SLU7: variants seen among roughly 807,000 people sequenced by gnomAD.
SLU7 encodes spliceosome associated SLU7.
Under a neutral mutation model 87.0 loss-of-function variants are expected in SLU7, and 60 were observed. The ratio of observed to expected loss-of-function variants is 0.69; its 90% CI spans 0.56 to 0.86. SLU7 has a LOEUF of 0.86. SLU7 is among the 40% of genes least tolerant of loss of function. The pLI, the probability that SLU7 is intolerant of heterozygous loss-of-function variation, is 0.00. For synonymous variants in SLU7, 197 were observed against 222.0 expected (o/e 0.89, Z 1.00); for missense variants, 507 against 686.6 (o/e 0.74, Z 2.92).
Position 160,412,538 on chromosome 5 carries a change from G to GAA in SLU7, c.571-21_571-20dup, listed in dbSNP as rs5872643. ...GTTTTGCCTTTAAAAAAAAAAAAAAGAAAGAAAGAAAGAAAAAGTAAACAT... is the reference window on the plus strand; with the variant it reads ...GTTTTGCCTTTAAAAAAAAAAAAAAGAAAAAGAAAGAAAGAAAAAGTAAACAT... On this transcript the variant is annotated intron_variant, in intron 5 of 15. Coordinates refer to ENST00000297151, the MANE Select transcript of SLU7 (RefSeq NM_006425.5). 17 of 960,500 alleles carry GAA rather than the reference G, an allele frequency of 1.8e-5. No individual in the cohort carries two copies. The highest frequency in any genetic ancestry group is 7.3e-6 in the Non-Finnish European group (5 of 680,836). 59.5% of individuals were successfully genotyped at this position (960,500 alleles called of 1,614,324 possible). A position where few individuals can be genotyped will look rare whatever the true frequency, so the allele number is the denominator to read the frequency against.
chr5:160,412,201 G>A (rs1765265136), intron 6 of SLU7, among the ~76,000 whole-genome samples: 1 of 152,096 alleles, frequency 6.6e-6, no homozygotes, highest in Non-Finnish European at 1.5e-5. Context: ...AGGATGGATA[G>A]CTTTAATAAT....
At chr5:160,408,211 G>A (rs1765085232) in intron 8 of SLU7, 118 bp downstream of exon 8, 1 of 1,271,990 alleles carries the variant, frequency 7.9e-7, no homozygotes, top group African/African-American at 1.5e-5. Context: ...AAAACAGAAT[G>A]AAACCTTATC....
intron 1 of SLU7, chr5:160,417,108 T>C (rs924254487): frequency 1.3e-5 from 2 of 152,248 alleles, no homozygotes; most frequent in African/African-American, 4.8e-5. Flanking sequence ...TCCAACAAAC[T>C]TACTTCTTTA....
At chr5:160,415,975 C>T (rs1048668168) in intron 1 of SLU7, among the ~76,000 whole-genome samples, 4 of 152,130 alleles carry the variant, frequency 2.6e-5, no homozygotes, top group Non-Finnish European at 5.9e-5. Context: ...TCACTGCAAC[C>T]TCCGCCTCCC....
rs1234779064 is a variant in SLU7, at chr5:160,413,702, A to G, written c.406-82T>C. On this transcript the variant is annotated intron_variant, in intron 4 of 15. Coordinates refer to ENST00000297151, the MANE Select transcript of SLU7 (RefSeq NM_006425.5). Reference sequence around the variant, plus strand: ...TTCATACAACTTTTACAGAGTGGGCACTTTACGATCTATTCAATTTACAGT... The same window carrying G: ...TTCATACAACTTTTACAGAGTGGGCGCTTTACGATCTATTCAATTTACAGT... The G allele has an allele frequency of 4.0e-6, 5 of 1,260,704 alleles. No individual in the cohort carries two copies. In the Admixed American group the frequency reaches 9.2e-5, roughly 23 times the overall value. 78.1% of individuals were successfully genotyped at this position (1,260,704 alleles called of 1,614,324 possible). A position where few individuals can be genotyped will look rare whatever the true frequency, so the allele number is the denominator to read the frequency against.
At chr5:160,406,239 A>G in intron 12 of SLU7, 1 of 363,680 alleles carries the variant, frequency 2.7e-6, no homozygotes, top group Non-Finnish European at 4.9e-6. Context: ...GACAAAGCAT[A>G]TAAGGCAATA....
chr5:160,413,841 A>G (rs374773495), intron 4 of SLU7, 58 bp downstream of exon 4: 6 of 1,260,912 alleles, frequency 4.8e-6, no homozygotes, highest in African/African-American at 4.6e-5. Context: ...TAGCTCTCTG[A>G]CAAAGAAAAA....
intron 12 of SLU7, among the ~76,000 whole-genome samples, chr5:160,405,443 G>A (rs534211271): frequency 3.9e-5 from 6 of 152,336 alleles, no homozygotes; most frequent in African/African-American, 1.2e-4. Context: ...ATAATCAGCT[G>A]TTGCTGAACA....
intron 1 of SLU7, among the ~76,000 whole-genome samples, chr5:160,415,755 C>T (rs975433878): frequency 6.6e-6 from 1 of 152,232 alleles, no homozygotes; most frequent in Non-Finnish European, 1.5e-5. Context: ...CCATTCCCTA[C>T]CATTCTAAAG....
At position 160,402,091 on chromosome 5, in the gene SLU7, C is replaced by A. The variant is rs1396618047; in HGVS notation, c.*1194G>T. 6.6e-6 allele frequency: 1 copy of A among 152,150 alleles called. No individual in the cohort carries two copies. The highest frequency in any genetic ancestry group is 1.5e-5 in the Non-Finnish European group (1 of 68,024). The allele number at this position is 152,150 out of a possible 1,614,324, so 9.4% of individuals were successfully genotyped here. On this transcript the variant is annotated 3_prime_UTR_variant, in exon 16 of 16. Transcript: ENST00000297151. Reference sequence around the variant, plus strand: ...TATTACTAATATCCCTAGAAGCTATCCTTATAATTCTTTCAATAAACCAAC... The same window carrying A: ...TATTACTAATATCCCTAGAAGCTATACTTATAATTCTTTCAATAAACCAAC...
chr5:160,403,244 G>C lies in SLU7; in HGVS notation c.*41C>G. 1.4e-6 allele frequency: 2 copies of C among 1,379,894 alleles called. No individual in the cohort carries two copies. The highest frequency in any genetic ancestry group is 1.4e-5 in the South Asian group (1 of 69,722). The allele number at this position is 1,379,894 out of a possible 1,614,324, so 85.5% of individuals were successfully genotyped here. A position where few individuals can be genotyped will look rare whatever the true frequency, so the allele number is the denominator to read the frequency against. ...TCATCAATAAGAAGCTGAAAAGAAT[G>C]TATCAGCTGCATCTATCTTGGATGG... On this transcript the variant is annotated 3_prime_UTR_variant, in exon 16 of 16. Coordinates refer to ENST00000297151, the MANE Select transcript of SLU7 (RefSeq NM_006425.5).
rs73316306 is a variant in SLU7, at chr5:160,408,463, A to G, written c.688-3T>C. 0.01 allele frequency: 16,293 copies of G among 1,583,292 alleles called. 1,394 individuals are homozygous for G. In the African/African-American group the frequency reaches 0.19, roughly 18 times the overall value. ...TCTTCACTATTATGATCTTTTTCCTAAAAGAGGGAGAGGAAGGAAAAGTAA... is the reference window on the plus strand; with the variant it reads ...TCTTCACTATTATGATCTTTTTCCTGAAAGAGGGAGAGGAAGGAAAAGTAA... On this transcript the variant is annotated splice_polypyrimidine_tract_variant and splice_region_variant and intron_variant, in intron 7 of 15. Transcript: ENST00000297151.
chr5:160,406,966 T>C (rs920559831), intron 11 of SLU7, among the ~76,000 whole-genome samples: 6 of 152,358 alleles, frequency 3.9e-5, no homozygotes, highest in African/African-American at 1.4e-4. Context: ...CCATGTTATT[T>C]GCTTTGACCA....
rs1454389006 is a variant in SLU7 at position 160,407,413 on chromosome 5, C to T, written c.1125+63G>A. ...CATTATTTTCCAAATGTAAAACTAACGCTTATTAACTAGTAACTTCTCTTT... is the reference window on the plus strand; with the variant it reads ...CATTATTTTCCAAATGTAAAACTAATGCTTATTAACTAGTAACTTCTCTTT... On this transcript the variant is annotated intron_variant, in intron 11 of 15. Transcript: ENST00000297151. The surrounding 1 kb of genome is among the most constrained non-coding windows in gnomAD (Gnocchi z 4.2). 9.8e-6 allele frequency: 14 copies of T among 1,433,872 alleles called. No homozygotes were observed. Among genetic ancestry groups the T allele is most frequent in the African/African-American group, 5.7e-5 (4 of 70,292 alleles). The allele number at this position is 1,433,872 out of a possible 1,614,324, so 88.8% of individuals were successfully genotyped here.
At chr5:160,417,149 T>C (rs998076634) in intron 1 of SLU7, 9 of 152,224 alleles carry the variant, frequency 5.9e-5, no homozygotes, top group South Asian at 4.1e-4. Flanking sequence ...TATGTCTTCA[T>C]TGGCAATGTG....
chr5:160,405,242 GA>G, intron 12 of SLU7, 107 bp from the exon 13 acceptor site: 1 of 789,560 alleles, frequency 1.3e-6, no homozygotes, highest in Non-Finnish European at 2.1e-6. Context: ...GGTAATTTGG[GA>G]GAAAAATTAT....
chr5:160,418,136 T>C (rs1237477355), intron 1 of SLU7, among the ~76,000 whole-genome samples: 1 of 152,222 alleles, frequency 6.6e-6, no homozygotes, highest in Non-Finnish European at 1.5e-5. Context: ...GTGTAACATA[T>C]AAACTGATGG....
intron 8 of SLU7, 44 bp from the exon 9 acceptor site, chr5:160,408,112 A>G (rs760666521): frequency 5.9e-4 from 843 of 1,417,328 alleles, no homozygotes; most frequent in Non-Finnish European, 7.7e-4. Context: ...TACTCACAGC[A>G]AAAAGATTTC....
chr5:160,403,403 C>T lies in SLU7; in HGVS notation c.1643G>A (p.Arg548Lys). The change falls in exon 16 of 16, where the codon AGG (arginine) becomes AAG (lysine). Residue 548 changes from arginine to lysine, a missense_variant. By Grantham distance (26) the Arg-to-Lys change is conservative (BLOSUM62 2). Transcript: ENST00000297151. ...ATACATGCTATTGTAAGGCCGCTTCCTCTCATCAATCTGCATGGTCTCCTT... is the reference window on the plus strand; with the variant it reads ...ATACATGCTATTGTAAGGCCGCTTCTTCTCATCAATCTGCATGGTCTCCTT... Reference protein sequence around the residue: ...HVKETMQIDERKRPYNSMYET... With the variant: ...HVKETMQIDEKKRPYNSMYET... 6.2e-7 allele frequency: 1 copy of T among 1,613,308 alleles called. No individual in the cohort carries two copies. The highest frequency in any genetic ancestry group is 8.5e-7 in the Non-Finnish European group (1 of 1,179,744).
Sources: allele counts gnomAD v4.1 joint callset (sites outside exome capture counted in the v4.1 genomes callset), GRCh38; gene constraint gnomAD v4.1.1; non-coding constraint Gnocchi (gnomAD v3.1); transcripts MANE v1.5; gene names NCBI Gene and HGNC (gene_info 2026-07-23, HGNC 2026-07-21).